Variants in CEP83 observed in about 807,000 individuals in gnomAD.
The protein encoded by CEP83 is centrosomal protein 83.
Under a neutral mutation model 101.9 loss-of-function variants are expected in CEP83, and 70 were observed. That is an observed-to-expected ratio of 0.69 (90% CI 0.57 to 0.84). CEP83 has a LOEUF of 0.84. CEP83 is among the 40% of genes least tolerant of loss of function. The pLI is 0.00. For synonymous variants in CEP83, 264 were observed against 267.9 expected (o/e 0.99, Z 0.14); for missense variants, 715 against 787.2 (o/e 0.91, Z 1.10).
intron 7 of CEP83, among the ~76,000 whole-genome samples, chr12:94,376,747 A>ATAT (rs1449239728): frequency 1.1e-4 from 13 of 120,212 alleles, no homozygotes; most frequent in East Asian, 2.4e-4. Context: ...ATATATATAT[A>ATAT]TTTTTTTTTT....
At chr12:94,323,346 C>A (rs1485001946) in intron 14 of CEP83, among the ~76,000 whole-genome samples, 7 of 152,068 alleles carry the variant, frequency 4.6e-5, no homozygotes, top group African/African-American at 1.7e-4. Context: ...AGGCTGCAGA[C>A]CCTGGTGGAG....
chr12:94,374,471 C>T (rs371744888), intron 8 of CEP83, among the ~76,000 whole-genome samples: 3 of 152,290 alleles, frequency 2.0e-5, no homozygotes, highest in African/African-American at 7.2e-5. Flanking sequence ...GGAAACTCCC[C>T]ATATCCTGAA....
At chr12:94,420,243 A>G (rs574045209) in intron 2 of CEP83, among the ~76,000 whole-genome samples, 5 of 152,200 alleles carry the variant, frequency 3.3e-5, no homozygotes, top group Non-Finnish European at 5.9e-5. Context: ...TTAAAAAAAA[A>G]TACATATACT....
Position 94,308,773 on chromosome 12 carries a change from C to G in CEP83, c.*40G>C. On this transcript the variant is annotated 3_prime_UTR_variant, in exon 17 of 17. Coordinates refer to ENST00000397809, the MANE Select transcript of CEP83 (RefSeq NM_016122.3). ...TAAAATGTCAAGTTTTACTGAGTCA[C>G]CAACTTCACCTCTTTTGATCTGCCT... 3 of 1,363,278 alleles carry G rather than the reference C, an allele frequency of 2.2e-6. No homozygotes were observed. The highest frequency in any genetic ancestry group is 3.1e-6 in the Non-Finnish European group (3 of 954,510). The allele number at this position is 1,363,278 out of a possible 1,614,324, so 84.4% of individuals were successfully genotyped here.
At chr12:94,458,630 C>T (rs1429514237) in intron 1 of CEP83, among the ~76,000 whole-genome samples, 1 of 152,072 alleles carries the variant, frequency 6.6e-6, no homozygotes. Context: ...CCCAGCTACT[C>T]GGGAGGCTGA....
downstream of CEP83, chr12:94,306,143 G>A (rs1373213516): frequency 6.6e-6 from 1 of 151,970 alleles, no homozygotes; most frequent in African/African-American, 2.4e-5. Context: ...CTGTGGAAGA[G>A]TAACTCCATT....
chr12:94,447,646 T>C (rs1455149131), intron 1 of CEP83, among the ~76,000 whole-genome samples: 1 of 152,170 alleles, frequency 6.6e-6, no homozygotes, highest in Non-Finnish European at 1.5e-5. Flanking sequence ...GGAATAATTA[T>C]AGTACTGTGT....
At chr12:94,337,257 T>C (rs768921195) in intron 11 of CEP83, among the ~76,000 whole-genome samples, 19 of 152,118 alleles carry the variant, frequency 1.2e-4, no homozygotes, top group Non-Finnish European at 2.5e-4. Context: ...CATTAAAATA[T>C]GAAAGGATGG....
chr12:94,455,556 A>C (rs781357259), intron 1 of CEP83, among the ~76,000 whole-genome samples: 1 of 152,240 alleles, frequency 6.6e-6, no homozygotes, highest in African/African-American at 2.4e-5. Flanking sequence ...TTTTGGTGAG[A>C]CTGTAAAAAC....
chr12:94,378,949 G>C lies in CEP83; in HGVS notation c.643C>G (p.Arg215Gly), dbSNP rs750092874. Residue 215 changes from arginine to glycine, a missense_variant, in exon 7 of 17, where the codon CGA becomes GGA. By Grantham distance (125) the Arg-to-Gly change is moderately radical. Transcript: ENST00000397809. ...KDSKRVEQLA[R>G]EKVYLCQKLK... is the part of the protein sequence containing the mutation. Reference sequence around the variant, plus strand: ...TTTTGACACAAATAGACTTTTTCTCGAGCAAGTTGTTCCACTCGTTTGCTG... The same window carrying C: ...TTTTGACACAAATAGACTTTTTCTCCAGCAAGTTGTTCCACTCGTTTGCTG... 1.2e-6 allele frequency: 2 copies of C among 1,613,924 alleles called. No individual in the cohort carries two copies. The highest frequency in any genetic ancestry group is 3.3e-5 in the Admixed American group (2 of 59,982).
chr12:94,336,757 A>G (rs1041735957), intron 11 of CEP83, among the ~76,000 whole-genome samples: 1 of 152,000 alleles, frequency 6.6e-6, no homozygotes, highest in Admixed American at 6.5e-5. Flanking sequence ...TTCTAGCTAC[A>G]TGATTACTCA....
the CEP83 span, among the ~76,000 whole-genome samples, chr12:94,296,509 A>G: frequency 1.3e-5 from 2 of 151,776 alleles, no homozygotes; most frequent in Non-Finnish European, 1.5e-5. Context: ...TCTTCCCTCC[A>G]TTTACCACTC....
chr12:94,389,211 G>A (rs1432680781), intron 6 of CEP83, among the ~76,000 whole-genome samples: 3 of 152,116 alleles, frequency 2.0e-5, no homozygotes, highest in Non-Finnish European at 4.4e-5. Flanking sequence ...ATAAATTAAA[G>A]GTAAATGGGT....
At chr12:94,383,990 G>C (rs542071240) in intron 6 of CEP83, among the ~76,000 whole-genome samples, 20 of 152,146 alleles carry the variant, frequency 1.3e-4, no homozygotes, top group Non-Finnish European at 2.6e-4. Context: ...ACAAAATTTA[G>C]AAAATTCATG....
intron 6 of CEP83, among the ~76,000 whole-genome samples, chr12:94,388,690 G>A (rs1446181379): frequency 6.6e-6 from 1 of 152,124 alleles, no homozygotes. Context: ...TTTTTACACT[G>A]ACTTTAATTT....
chr12:94,305,874 T>C (rs979451613), downstream of CEP83: 5 of 152,172 alleles, frequency 3.3e-5, no homozygotes, highest in Admixed American at 6.5e-5. Context: ...TGTTGCAACA[T>C]TGTTGAAAGG....
At chr12:94,334,104 T>C (rs2059355234) in intron 12 of CEP83, among the ~76,000 whole-genome samples, 2 of 152,094 alleles carry the variant, frequency 1.3e-5, no homozygotes, top group South Asian at 4.1e-4. Context: ...TCAGCAACCT[T>C]CCAGAAGTTC....
the CEP83 span, among the ~76,000 whole-genome samples, chr12:94,273,140 A>G: frequency 6.6e-6 from 1 of 152,268 alleles, no homozygotes; most frequent in Non-Finnish European, 1.5e-5. Context: ...TGAGGATTGA[A>G]TGAACCTATA....
At chr12:94,274,041 C>T in the CEP83 span, among the ~76,000 whole-genome samples, 1 of 151,260 alleles carries the variant, frequency 6.6e-6, no homozygotes, top group Non-Finnish European at 1.5e-5. Flanking sequence ...AGACTTCCAA[C>T]AGGGTGTGGT....
Sources: gnomAD v4.1 joint callset for allele counts (sites outside exome capture counted in the v4.1 genomes callset) on GRCh38, gnomAD v4.1.1 for gene constraint, MANE v1.5 for transcripts, NCBI Gene and HGNC (gene_info 2026-07-23, HGNC 2026-07-21) for gene names.